The following SLC4A10 variants were observed in gnomAD, a reference collection of about 807,000 sequenced individuals.
SLC4A10 encodes the protein sodium-driven chloride bicarbonate exchanger.
A neutral mutation model predicts 137.7 loss-of-function variants in SLC4A10; 42 were observed. The ratio of observed to expected loss-of-function variants is 0.30; its 90% confidence interval spans 0.24 to 0.39. The LOEUF is 0.39. Among genes scored for constraint, SLC4A10 ranks in the 10% least tolerant of loss-of-function variants. SLC4A10 has a pLI of 1.00. For synonymous variants in SLC4A10, 474 were observed against 464.1 expected, an observed-to-expected ratio of 1.02 and a Z score of -0.27; for missense variants, 925 against 1,355.0, an observed-to-expected ratio of 0.68 and a Z score of 4.98.
chr2:161,874,243 G>C (rs529213899), intron 8 of SLC4A10, among the ~76,000 whole-genome samples: 5 of 152,246 alleles, frequency 3.3e-5, no homozygotes, highest in Non-Finnish European at 7.4e-5. Flanking sequence ...ATAATGTAAC[G>C]AGCTGCATAT....
At position 161,822,215 on chromosome 2, in the gene SLC4A10, G is replaced by A. The variant is rs2057683279; in HGVS notation, c.278-17574G>A. ...TGTACATAGCAATTGAGATTTGGGG[G>A]TTGGATGCATGGTATTATAGACATC... is the stretch of plus-strand genomic sequence containing the variant. On this transcript the variant is annotated intron_variant, in intron 3 of 26. Coordinates refer to ENST00000446997, the MANE Select transcript of SLC4A10 (RefSeq NM_001178015.2). 2.0e-5 allele frequency among the ~76,000 whole-genome samples: 3 copies of A among 152,174 alleles called. 1 individual carries two copies. In the South Asian group the frequency reaches 6.2e-4, roughly 31 times the overall value.
chr2:161,752,269 TA>T (rs564132303), intron 1 of SLC4A10, among the ~76,000 whole-genome samples: 48 of 152,140 alleles, frequency 3.2e-4, no homozygotes, highest in South Asian at 2.9e-3. Flanking sequence ...TTATTATTAT[TA>T]TTTTTTTGCC....
chr2:161,873,803 G>T, intron 7 of SLC4A10, 113 bp from the exon 8 acceptor site: 1 of 1,080,154 alleles, frequency 9.3e-7, no homozygotes, highest in Non-Finnish European at 1.3e-6. Flanking sequence ...GAATCCCTCT[G>T]ACAATGCCTA....
chr2:161,844,105 C>T (rs533459883), intron 4 of SLC4A10, among the ~76,000 whole-genome samples: 15 of 152,106 alleles, frequency 9.9e-5, no homozygotes, highest in African/African-American at 3.4e-4. Context: ...GCAGTTGTGG[C>T]GACAACATGT....
chr2:161,913,265 G>A (rs1686291732), intron 15 of SLC4A10, among the ~76,000 whole-genome samples: 1 of 152,068 alleles, frequency 6.6e-6, no homozygotes, highest in African/African-American at 2.4e-5. Flanking sequence ...TGTCTTTAAA[G>A]CACTGTTTCT....
chr2:161,767,977 C>T (rs1384525968), intron 1 of SLC4A10, among the ~76,000 whole-genome samples: 1 of 151,940 alleles, frequency 6.6e-6, no homozygotes, highest in Non-Finnish European at 1.5e-5. Flanking sequence ...GTAGCTTAGT[C>T]CTTAGATCAG....
At chr2:161,784,505 G>T (rs140876087) in intron 2 of SLC4A10, among the ~76,000 whole-genome samples, 1 of 151,904 alleles carries the variant, frequency 6.6e-6, no homozygotes, top group African/African-American at 2.4e-5. Context: ...AAGCTGAAAA[G>T]TATGTTTTAA....
At chr2:161,969,925 T>C (rs1249267130) in intron 23 of SLC4A10, among the ~76,000 whole-genome samples, 2 of 152,216 alleles carry the variant, frequency 1.3e-5, no homozygotes, top group Non-Finnish European at 2.9e-5. Context: ...GGGGCAAGCA[T>C]ATTCTTCTTC....
intron 15 of SLC4A10, among the ~76,000 whole-genome samples, chr2:161,915,815 T>C (rs893557261): frequency 2.0e-5 from 3 of 152,172 alleles, no homozygotes; most frequent in African/African-American, 7.2e-5. Context: ...AAAGAAAATA[T>C]CCTGCTTCAA....
Position 161,632,910 on chromosome 2 carries a change from T to C in SLC4A10, c.48+8344T>C, listed in dbSNP as rs140200598. On this transcript the variant is annotated intron_variant, in intron 1 of 26. Transcript: ENST00000446997. ...TAAGTTTTGCCATAAAACAGCCTTT[T>C]TAACAATAAATCATAATGGGCTAGA... 3.2e-4 allele frequency among the ~76,000 whole-genome samples: 49 copies of C among 151,854 alleles called. 2 individuals are homozygous for C. The East Asian group carries it at 9.5e-3, about 29-fold the overall frequency.
At position 161,817,978 on chromosome 2, in the gene SLC4A10, C is replaced by CG. The variant is rs2057253530; in HGVS notation, c.277+13383_277+13384insG. Among the ~76,000 whole-genome samples, 4 of 151,576 alleles carry CG rather than the reference C, an allele frequency of 2.6e-5. No individual in the cohort carries two copies. The South Asian group carries it at 8.4e-4, about 32-fold the overall frequency. ...GGTGATGTGGGTTCTTTTTTGGTTC[C>CG]ATATGAACTTTAAAGCAGTTTTTTC... is the stretch of plus-strand genomic sequence containing the variant. On this transcript the variant is annotated intron_variant, in intron 3 of 26. Transcript: ENST00000446997.
chr2:161,950,597 A>T, intron 18 of SLC4A10, 90 bp from the exon 19 acceptor site: 1 of 1,225,568 alleles, frequency 8.2e-7, no homozygotes, highest in Non-Finnish European at 1.1e-6. Context: ...GTTTATAATT[A>T]GGGCTTTCCT....
At chr2:161,935,824 TG>T (rs1691478861) in intron 15 of SLC4A10, among the ~76,000 whole-genome samples, 1 of 152,148 alleles carries the variant, frequency 6.6e-6, no homozygotes, top group South Asian at 2.1e-4. Context: ...AGTACAATGT[TG>T]ACTAAAAGTG....
chr2:161,890,437 G>T (rs184486060), intron 10 of SLC4A10, among the ~76,000 whole-genome samples: 48 of 152,182 alleles, frequency 3.2e-4, no homozygotes, highest in Non-Finnish European at 5.4e-4. Context: ...TCTCTTTGTA[G>T]TTCTCTAAGA....
intron 1 of SLC4A10, among the ~76,000 whole-genome samples, chr2:161,626,809 A>AT: frequency 6.6e-6 from 1 of 152,206 alleles, no homozygotes; most frequent in South Asian, 2.1e-4. Flanking sequence ...AAAATTCAAT[A>AT]TTTTTTACAT....
chr2:161,925,483 T>C (rs902832537), intron 15 of SLC4A10, among the ~76,000 whole-genome samples: 2 of 152,182 alleles, frequency 1.3e-5, no homozygotes, highest in Admixed American at 1.3e-4. Context: ...TCAATTTTGT[T>C]GATCCTTTCA....
intron 15 of SLC4A10, among the ~76,000 whole-genome samples, chr2:161,922,490 T>G (rs892758895): frequency 6.6e-6 from 1 of 152,118 alleles, no homozygotes; most frequent in Non-Finnish European, 1.5e-5. Context: ...AAATGATTAA[T>G]AATCCAAGAA....
chr2:161,901,864 C>T (rs545816418), intron 12 of SLC4A10, among the ~76,000 whole-genome samples: 47 of 152,164 alleles, frequency 3.1e-4, no homozygotes, highest in African/African-American at 1.1e-3. Context: ...TTCCTTTTCC[C>T]TTCACTGGAA....
At chr2:161,829,876 G>A (rs1453716028) in intron 3 of SLC4A10, among the ~76,000 whole-genome samples, 1 of 152,018 alleles carries the variant, frequency 6.6e-6, no homozygotes, top group Non-Finnish European at 1.5e-5. Context: ...TAAGAGCCAA[G>A]CAAAAGGGGT....
Sources: allele counts gnomAD v4.1 joint callset (sites outside exome capture counted in the v4.1 genomes callset), GRCh38; gene constraint gnomAD v4.1.1; transcripts MANE v1.5; gene names NCBI Gene and HGNC (gene_info 2026-07-23, HGNC 2026-07-21).